Variants in RNLS observed in about 807,000 individuals in gnomAD.
The protein encoded by RNLS is renalase, FAD dependent amine oxidase, also known as renalase.
Under a neutral mutation model 39.8 loss-of-function variants are expected in RNLS, and 39 were observed. The ratio of observed to expected loss-of-function variants is 0.98; its 90% confidence interval spans 0.76 to 1.28. The LOEUF is 1.28. RNLS is among the 50% of genes most tolerant of loss of function. The pLI is 0.00. For synonymous variants in RNLS, 147 were observed against 150.7 expected (o/e 0.98, Z 0.18); for missense variants, 410 against 413.3 (o/e 0.99, Z 0.07).
intron 4 of RNLS, among the ~76,000 whole-genome samples, chr10:88,370,187 A>G (rs1850440068): frequency 6.6e-6 from 1 of 152,166 alleles, no homozygotes; most frequent in African/African-American, 2.4e-5. Flanking sequence ...TATGGTAAGA[A>G]TATTTTGCAA....
chr10:88,418,595 GA>G (rs1564784735), intron 4 of RNLS, among the ~76,000 whole-genome samples: 3 of 151,560 alleles, frequency 2.0e-5, no homozygotes, highest in African/African-American at 7.3e-5. Flanking sequence ...AAAATATCCT[GA>G]AGAAATAGCT....
intron 5 of RNLS, among the ~76,000 whole-genome samples, chr10:88,330,229 T>G (rs1431931064): frequency 1.3e-5 from 2 of 151,564 alleles, no homozygotes; most frequent in African/African-American, 4.8e-5. Context: ...TCCTAGGAAC[T>G]TTATCTGAAA....
intron 4 of RNLS, among the ~76,000 whole-genome samples, chr10:88,540,852 T>C (rs1245895281): frequency 6.6e-6 from 1 of 152,062 alleles, no homozygotes; most frequent in Non-Finnish European, 1.5e-5. Context: ...AGGCAATGTG[T>C]ATCATAATTT....
intron 5 of RNLS, among the ~76,000 whole-genome samples, chr10:88,337,785 G>A (rs945593733): frequency 1.4e-4 from 22 of 152,158 alleles, no homozygotes; most frequent in African/African-American, 5.1e-4. Context: ...AGCCATTTGA[G>A]ATGAGTTTTA....
chr10:88,362,068 C>T (rs1037154826), intron 5 of RNLS, among the ~76,000 whole-genome samples: 1 of 151,672 alleles, frequency 6.6e-6, no homozygotes, highest in African/African-American at 2.4e-5. Flanking sequence ...ACCATTTTTC[C>T]CCAGATAAAA....
chr10:88,199,759 T>C, the RNLS span, among the ~76,000 whole-genome samples: 1 of 152,170 alleles, frequency 6.6e-6, no homozygotes, highest in Non-Finnish European at 1.5e-5. Flanking sequence ...CTAGATGACC[T>C]AAACAAGACG....
intron 4 of RNLS, among the ~76,000 whole-genome samples, chr10:88,365,553 A>G (rs370304513): frequency 1.4e-5 from 2 of 146,426 alleles, no homozygotes; most frequent in Non-Finnish European, 3.0e-5. Flanking sequence ...ACACACACAC[A>G]CACGTACGTA....
chr10:88,188,898 TG>T, the RNLS span, among the ~76,000 whole-genome samples: 2 of 152,232 alleles, frequency 1.3e-5, no homozygotes, highest in Admixed American at 6.5e-5. Flanking sequence ...CTGTGCTTTT[TG>T]TAGGTGCAAG....
At chr10:88,351,140 G>T (rs1794514349) in intron 5 of RNLS, among the ~76,000 whole-genome samples, 1 of 152,152 alleles carries the variant, frequency 6.6e-6, no homozygotes, top group Admixed American at 6.5e-5. Flanking sequence ...TCCTTTGTCA[G>T]ATGAGTAGAT....
At chr10:88,351,541 G>A (rs1170821340) in intron 5 of RNLS, among the ~76,000 whole-genome samples, 1 of 152,138 alleles carries the variant, frequency 6.6e-6, no homozygotes, top group African/African-American at 2.4e-5. Context: ...GATAGTTGTA[G>A]ATGTGTGGTA....
chr10:88,457,775 G>A (rs1161302306), intron 4 of RNLS, among the ~76,000 whole-genome samples: 3 of 152,116 alleles, frequency 2.0e-5, no homozygotes, highest in Admixed American at 2.0e-4. Context: ...TCAGTCTTCA[G>A]CATCTAGGTG....
intron 4 of RNLS, among the ~76,000 whole-genome samples, chr10:88,381,573 T>C (rs1319312136): frequency 6.6e-6 from 1 of 152,014 alleles, no homozygotes; most frequent in Middle Eastern, 3.2e-3. Context: ...GGCTTTCAGT[T>C]GATTCTCCTT....
chr10:88,577,065 T>C (rs549902520), intron 3 of RNLS, among the ~76,000 whole-genome samples: 1 of 152,294 alleles, frequency 6.6e-6, no homozygotes, highest in South Asian at 2.1e-4. Context: ...GCCCATCATT[T>C]TCCATGTCAT....
At chr10:88,554,645 C>T (rs1469953985) in intron 4 of RNLS, among the ~76,000 whole-genome samples, 2 of 151,910 alleles carry the variant, frequency 1.3e-5, no homozygotes, top group African/African-American at 2.4e-5. Flanking sequence ...AGGCCCTCAC[C>T]TCCAAAAGTA....
intron 5 of RNLS, among the ~76,000 whole-genome samples, chr10:88,322,311 A>G (rs1589549048): frequency 6.6e-6 from 1 of 152,250 alleles, no homozygotes; most frequent in African/African-American, 2.4e-5. Context: ...TACATGGCAA[A>G]CCCACAGCCA....
At chr10:88,211,458 A>G in the RNLS span, among the ~76,000 whole-genome samples, 2 of 152,220 alleles carry the variant, frequency 1.3e-5, no homozygotes, top group Admixed American at 1.3e-4. Context: ...AGCAAGTGCT[A>G]TGAGCAAAAA....
At chr10:88,552,770 A>AAATGTATTCT (rs1239603448) in intron 4 of RNLS, among the ~76,000 whole-genome samples, 2 of 152,150 alleles carry the variant, frequency 1.3e-5, no homozygotes, top group East Asian at 3.8e-4. Flanking sequence ...GAATAGCTTA[A>AAATGTATTCT]AATGTATTCT....
intron 4 of RNLS, among the ~76,000 whole-genome samples, chr10:88,364,625 T>G (rs1403621971): frequency 3.9e-5 from 6 of 152,154 alleles, no homozygotes; most frequent in Admixed American, 3.9e-4. Context: ...AACTTTGACA[T>G]TGCTTTCTCC....
chr10:88,279,947 C>A (rs1360716540), downstream of RNLS, among the ~76,000 whole-genome samples: 1 of 152,106 alleles, frequency 6.6e-6, no homozygotes, highest in Non-Finnish European at 1.5e-5. Flanking sequence ...GGTTTTGAAG[C>A]AACCTAGAGC....
Sources: allele counts gnomAD v4.1 joint callset (sites outside exome capture counted in the v4.1 genomes callset), GRCh38; gene constraint gnomAD v4.1.1; transcripts MANE v1.5; gene names NCBI Gene and HGNC (gene_info 2026-07-23, HGNC 2026-07-21).